Variants in COL13A1 observed in about 807,000 individuals in gnomAD.
The protein encoded by COL13A1 is collagen type XIII alpha 1 chain.
COL13A1 carries 89 observed loss-of-function variants against 130.9 expected under a neutral mutation model. The observed-to-expected ratio is 0.68, with a 90% CI of 0.57 to 0.81. COL13A1 has a LOEUF of 0.81. Ranked by LOEUF, COL13A1 falls within the 30% of genes least tolerant of loss-of-function variation. The pLI is 0.00. For synonymous variants in COL13A1, 402 were observed against 341.6 expected, an observed-to-expected ratio of 1.18 and a Z score of -1.95; for missense variants, 879 against 934.6, an observed-to-expected ratio of 0.94 and a Z score of 0.78.
chr10:69,937,717 TAA>T lies in COL13A1; in HGVS notation c.1878+3_1878+4del. 1 of 1,463,420 alleles carries T rather than the reference TAA, an allele frequency of 6.8e-7. No homozygotes were observed. The highest frequency in any genetic ancestry group is 9.6e-7 in the Non-Finnish European group (1 of 1,042,690). The allele number at this position is 1,463,420 out of a possible 1,614,324, so 90.7% of individuals were successfully genotyped here. On this transcript the variant is annotated splice_donor_region_variant and intron_variant, in intron 34 of 40. Coordinates refer to ENST00000645393, the MANE Select transcript of COL13A1 (RefSeq NM_001368882.1). ...GACCGTGGTCCCCTGGGACTACCCG[TAA>T]GTACCTTGGACCCAGCAAGACTGGT...
At chr10:69,895,740 T>C (rs1300917805) in intron 13 of COL13A1, among the ~76,000 whole-genome samples, 164 bp downstream of exon 13, 1 of 152,102 alleles carries the variant, frequency 6.6e-6, no homozygotes, top group Non-Finnish European at 1.5e-5. Context: ...GAGCTTGGGA[T>C]GGTGGTGCGT....
chr10:69,921,980 C>T, intron 22 of COL13A1, 45 bp downstream of exon 22: 3 of 1,563,618 alleles, frequency 1.9e-6, no homozygotes, highest in Non-Finnish European at 2.6e-6. Flanking sequence ...TCGTCACCCA[C>T]ATCCCATACC....
At chr10:69,947,780 G>A (rs2068773714) in intron 38 of COL13A1, among the ~76,000 whole-genome samples, 1 of 152,242 alleles carries the variant, frequency 6.6e-6, no homozygotes, top group Non-Finnish European at 1.5e-5. Flanking sequence ...GCAGACAGTT[G>A]TTGGAAGCAG....
At chr10:69,948,913 T>A (rs1391803169) in intron 38 of COL13A1, among the ~76,000 whole-genome samples, 1 of 152,186 alleles carries the variant, frequency 6.6e-6, no homozygotes, top group Non-Finnish European at 1.5e-5. Flanking sequence ...GGGAAAGTAT[T>A]TCTATTCCCC....
At chr10:69,845,593 C>T (rs2133359859) in intron 2 of COL13A1, among the ~76,000 whole-genome samples, 1 of 152,342 alleles carries the variant, frequency 6.6e-6, no homozygotes, top group Admixed American at 6.5e-5. Flanking sequence ...TCCCCTCCCT[C>T]AGCCTGCAGC....
intron 1 of COL13A1, among the ~76,000 whole-genome samples, chr10:69,806,770 G>A (rs1319835104): frequency 1.3e-5 from 2 of 152,218 alleles, no homozygotes; most frequent in South Asian, 2.1e-4. Flanking sequence ...ACTTTGGGAG[G>A]CCAAGGTTGG....
rs1010434615 is a variant in COL13A1 at position 69,928,143 on chromosome 10, C to T, written c.1423-794C>T. Among the ~76,000 whole-genome samples the T allele has an allele frequency of 5.3e-5, 8 of 152,206 alleles. No homozygotes were observed. The South Asian group carries it at 1.7e-3, about 32-fold the overall frequency. On this transcript the variant is annotated intron_variant, in intron 27 of 40. Coordinates refer to ENST00000645393, the MANE Select transcript of COL13A1 (RefSeq NM_001368882.1). ...CTCCAGCCTGGGTGACAGAGTGAGA[C>T]TCTGTCTTAATAATAATAATGTGAA...
chr10:69,902,797 C>G lies in COL13A1; in HGVS notation c.800C>G (p.Pro267Arg). The change falls in exon 15 of 41, where the codon CCC becomes CGC. Residue 267 changes from proline (P) to arginine (R), a missense_variant. Pro to Arg is a moderately radical substitution (Grantham distance 103). This residue lies in a region of COL13A1 where 715 missense variants were observed against 721.0 expected (regional missense o/e 0.99). Transcript: ENST00000645393. ...SIQGPPGPPG[P>R]PGPSGPLGHP... ...CAAGGTCCACCAGGGCCCCCAGGCC[C>G]CCCTGGACCAAGTGGACCTCTGGGG... The G allele has an allele frequency of 6.4e-7, 1 of 1,553,786 alleles. No homozygotes were observed. The highest frequency in any genetic ancestry group is 2.4e-5 in the East Asian group (1 of 41,104).
rs2071316613 is a variant in COL13A1 at position 69,958,886 on chromosome 10, G to T, written c.*185G>T. 1.3e-6 allele frequency: 1 copy of T among 766,840 alleles called. No homozygotes were observed. Among genetic ancestry groups the T allele is most frequent in the Non-Finnish European group, 2.0e-6 (1 of 495,608 alleles). 47.5% of individuals were successfully genotyped at this position (766,840 alleles called of 1,614,324 possible). A position where few individuals can be genotyped will look rare whatever the true frequency, so the allele number is the denominator to read the frequency against. On this transcript the variant is annotated 3_prime_UTR_variant, in exon 41 of 41. Transcript: ENST00000645393. Reference sequence around the variant, plus strand: ...TTCCCTTTTGTTTACAAGATGTTTTGTATAAGCCTATGTCTCTAATACATT... The same window carrying T: ...TTCCCTTTTGTTTACAAGATGTTTTTTATAAGCCTATGTCTCTAATACATT...
At chr10:69,945,941 C>T (rs377373115) in intron 37 of COL13A1, among the ~76,000 whole-genome samples, 4 of 152,110 alleles carry the variant, frequency 2.6e-5, no homozygotes, top group African/African-American at 7.2e-5. Context: ...TGTGGTGGTG[C>T]GCACCTGTAT....
chr10:69,878,140 G>A, intron 6 of COL13A1, 75 bp downstream of exon 6: 1 of 695,760 alleles, frequency 1.4e-6, no homozygotes, highest in East Asian at 2.7e-5. Context: ...GAGGCTCTCA[G>A]CCCTCCCCCC....
chr10:69,853,496 C>G (rs1048720137), intron 2 of COL13A1, among the ~76,000 whole-genome samples: 6 of 152,200 alleles, frequency 3.9e-5, no homozygotes, highest in African/African-American at 1.2e-4. Context: ...TCAAAACTTT[C>G]AAGACTTTAT....
chr10:69,944,034 T>TGG (rs2068064160), intron 35 of COL13A1, 91 bp from the exon 36 acceptor site: 1 of 1,073,252 alleles, frequency 9.3e-7, no homozygotes, highest in African/African-American at 1.6e-5. Flanking sequence ...AACTGGGCCT[T>TGG]GGACCTTGCT....
chr10:69,851,765 C>T (rs1192471138), intron 2 of COL13A1, among the ~76,000 whole-genome samples: 1 of 152,170 alleles, frequency 6.6e-6, no homozygotes, highest in Non-Finnish European at 1.5e-5. Flanking sequence ...AGTGATTCTC[C>T]TGTCTCAGCC....
chr10:69,915,529 C>T (rs16927048), intron 17 of COL13A1, among the ~76,000 whole-genome samples: 5 of 152,080 alleles, frequency 3.3e-5, no homozygotes, highest in Admixed American at 3.3e-4. Context: ...TTGTGTGTGC[C>T]GATTACAAAC....
chr10:69,948,397 A>G (rs1295262388), intron 38 of COL13A1, among the ~76,000 whole-genome samples: 2 of 152,150 alleles, frequency 1.3e-5, no homozygotes, highest in Non-Finnish European at 2.9e-5. Flanking sequence ...AGTGCTCTTC[A>G]CTGGCAGCTG....
chr10:69,817,790 G>A (rs949990511), intron 1 of COL13A1, among the ~76,000 whole-genome samples: 3 of 152,106 alleles, frequency 2.0e-5, no homozygotes, highest in South Asian at 2.1e-4. Context: ...GGTAGGACCC[G>A]CAGGTTGAAG....
At chr10:69,896,784 CCAG>C (rs575614146) in intron 13 of COL13A1, among the ~76,000 whole-genome samples, 2 of 152,346 alleles carry the variant, frequency 1.3e-5, no homozygotes, top group South Asian at 4.1e-4. Flanking sequence ...GGAAGGCAGG[CCAG>C]CAGCAGCACA....
At chr10:69,955,823 G>A (rs1452744437) in intron 39 of COL13A1, 1 of 152,320 alleles carries the variant, frequency 6.6e-6, no homozygotes, top group Middle Eastern at 3.4e-3. Flanking sequence ...TACTGGGGAA[G>A]TGTCTTCCCC....
Sources: allele counts gnomAD v4.1 joint callset (sites outside exome capture counted in the v4.1 genomes callset), GRCh38; gene constraint gnomAD v4.1.1; regional missense constraint gnomAD v4.1.1; transcripts MANE v1.5; gene names NCBI Gene and HGNC (gene_info 2026-07-23, HGNC 2026-07-21).